MS4A14: variants seen among roughly 807,000 people sequenced by gnomAD.
MS4A14 encodes the protein membrane-spanning 4-domains subfamily A member 14.
Under a neutral mutation model 16.7 loss-of-function variants are expected in MS4A14, and 18 were observed. The observed-to-expected ratio is 1.08, with a 90% CI of 0.75 to 1.60. The LOEUF is 1.60. Ranked by LOEUF, MS4A14 falls within the 40% of genes most tolerant of loss-of-function variation. MS4A14 has a pLI of 0.00. For synonymous variants in MS4A14, 305 were observed against 289.4 expected (o/e 1.05, Z -0.55); for missense variants, 812 against 775.3 (o/e 1.05, Z -0.56).
At chr11:60,407,376 G>T (rs545650641) in intron 4 of MS4A14, among the ~76,000 whole-genome samples, 1 of 152,188 alleles carries the variant, frequency 6.6e-6, no homozygotes, top group South Asian at 2.1e-4. Context: ...ATTATCATAA[G>T]TTACTAAGAA....
In MS4A14 at chr11:60,396,560, A is replaced by G; in HGVS notation, c.-19A>G. ...ATGTTTGCTCACTCTTTCCCTTACT[A>G]GAGTTCTGCCATAGAATCATGGAGT... On this transcript the variant is annotated 5_prime_UTR_variant, in exon 1 of 5. The change abolishes the stop of an existing upstream ORF in the 5' untranslated region. Transcript: ENST00000300187. The G allele has an allele frequency of 2.5e-6, 4 of 1,611,436 alleles. No individual in the cohort carries two copies. The highest frequency in any genetic ancestry group is 3.4e-6 in the Non-Finnish European group (4 of 1,178,816).
chr11:60,415,919 T>C lies in MS4A14; in HGVS notation c.951T>C (p.Pro317=), dbSNP rs114663860. ...CACTAAAACTCGAAGATATATCACC[T>C]GAAGACTTGCCATCCCAAGCTCTAC... ...HSALKLEDIS[P]EDLPSQALPV... The change falls in exon 5 of 5, where the codon CCT becomes CCC. Residue 317 remains proline, a synonymous_variant. Transcript: ENST00000300187. 1.6e-5 allele frequency: 26 copies of C among 1,613,966 alleles called. No homozygotes were observed. In the East Asian group the frequency reaches 5.1e-4, roughly 32 times the overall value.
intron 4 of MS4A14, among the ~76,000 whole-genome samples, chr11:60,403,578 A>T (rs971221830): frequency 1.3e-5 from 2 of 152,228 alleles, no homozygotes; most frequent in African/African-American, 4.8e-5. Flanking sequence ...CTTAAGACAT[A>T]CATTATTTCA....
chr11:60,405,268 G>A (rs1026361364), intron 4 of MS4A14, among the ~76,000 whole-genome samples: 14 of 151,934 alleles, frequency 9.2e-5, no homozygotes, highest in Non-Finnish European at 1.5e-4. Context: ...TAGTAGAGAC[G>A]GGGTTTCTCC....
At chr11:60,401,891 G>A (rs1163956068) in intron 3 of MS4A14, among the ~76,000 whole-genome samples, 1 of 152,078 alleles carries the variant, frequency 6.6e-6, no homozygotes, top group African/African-American at 2.4e-5. Context: ...CTGGGATTGA[G>A]GTAAACATTA....
Position 60,402,996 on chromosome 11 carries a change from C to T in MS4A14, c.403C>T (p.Gln135Ter). The change falls in exon 4 of 5, where the codon CAA (glutamine) becomes TAA (stop). Residue 135 changes from glutamine (Q) to a stop codon, truncating the protein, a stop_gained. Coordinates refer to ENST00000300187, the MANE Select transcript of MS4A14 (RefSeq NM_032597.5). LOFTEE classifies it high-confidence loss of function. ...TTTCACCATTCTCAGCTACAGACAT[C>T]AAGACAAGTACTGCCAGATGCCATC... Reference protein sequence around the residue: ...ITFTILSYRHQDKYCQMPSFE... With the variant: ...ITFTILSYRH 1 of 1,613,852 alleles carries T rather than the reference C, an allele frequency of 6.2e-7. No individual in the cohort carries two copies. The highest frequency in any genetic ancestry group is 2.2e-5 in the East Asian group (1 of 44,872).
Position 60,403,725 on chromosome 11 carries a change from G to C in MS4A14, c.468+664G>C, listed in dbSNP as rs200087589. The stretch of plus-strand genomic sequence containing the variant: ...TTTAAGCATGTCAGTGACTCCAATA[G>C]GCCTTTCTCTCTAGTTCCCTAAGCA... On this transcript the variant is annotated intron_variant, in intron 4 of 4. Coordinates refer to ENST00000300187, the MANE Select transcript of MS4A14 (RefSeq NM_032597.5). Among the ~76,000 whole-genome samples, 14 of 152,160 alleles carry C rather than the reference G, an allele frequency of 9.2e-5. No homozygotes were observed. In the East Asian group the frequency reaches 2.5e-3, roughly 27 times the overall value.
At chr11:60,405,954 C>T (rs186474420) in intron 4 of MS4A14, 2 of 1,531,994 alleles carry the variant, frequency 1.3e-6, no homozygotes, top group Non-Finnish European at 1.7e-6. Flanking sequence ...CTATTGCATC[C>T]TTTAGAAGCA....
At position 60,415,805 on chromosome 11, in the gene MS4A14, A is replaced by G. The variant is rs1421734116; in HGVS notation, c.837A>G (p.Leu279=). ...STFKQMKDED[L]QSAIVQPSQM... Reference sequence around the variant, plus strand: ...TTAAACAAATGAAAGATGAAGATCTACAATCTGCTATTGTACAACCTTCTC... The same window carrying G: ...TTAAACAAATGAAAGATGAAGATCTGCAATCTGCTATTGTACAACCTTCTC... The change falls in exon 5 of 5, where the codon CTA becomes CTG. Residue 279 remains leucine (L), a synonymous_variant. Transcript: ENST00000300187. The G allele has an allele frequency of 6.2e-7, 1 of 1,613,864 alleles. No individual in the cohort carries two copies. Among genetic ancestry groups the G allele is most frequent in the African/African-American group, 1.3e-5 (1 of 74,902 alleles).
chr11:60,411,394 G>A (rs184765168), intron 4 of MS4A14, among the ~76,000 whole-genome samples: 1,869 of 152,140 alleles, frequency 0.012, 20 homozygotes, highest in Non-Finnish European at 0.02. Flanking sequence ...CTTCTTATAC[G>A]TGAACACAAG....
intron 4 of MS4A14, among the ~76,000 whole-genome samples, chr11:60,404,131 C>T (rs1408961162): frequency 3.3e-5 from 5 of 152,194 alleles, no homozygotes; most frequent in Non-Finnish European, 7.3e-5. Context: ...TTGTTATGTT[C>T]GTATATACGA....
intron 3 of MS4A14, among the ~76,000 whole-genome samples, chr11:60,401,386 T>C (rs2197236): frequency 0.6 from 91,190 of 152,038 alleles, 27,857 homozygotes; most frequent in Middle Eastern, 0.76. Context: ...ACAATGCAGA[T>C]GAAGCCCCAA....
At chr11:60,398,919 C>T (rs1471186797) in intron 2 of MS4A14, among the ~76,000 whole-genome samples, 1 of 152,194 alleles carries the variant, frequency 6.6e-6, no homozygotes, top group Non-Finnish European at 1.5e-5. Flanking sequence ...CTCACTTTCT[C>T]ATTTCACAAC....
chr11:60,416,611 T>C lies in MS4A14; in HGVS notation c.1643T>C (p.Val548Ala). 6.2e-7 allele frequency: 1 copy of C among 1,613,882 alleles called. No homozygotes were observed. ...KDWLSPKRHS[V>A]DKQAQLNQTK... ...TGGCTATCCCCAAAGAGGCACTCCG[T>C]AGATAAGCAAGCTCAACTTAATCAA... is the stretch of plus-strand genomic sequence containing the variant. The change falls in exon 5 of 5, where the codon GTA (valine) becomes GCA (alanine). Residue 548 changes from valine to alanine, a missense_variant. Coordinates refer to ENST00000300187, the MANE Select transcript of MS4A14 (RefSeq NM_032597.5).
rs2085695923 is a variant in MS4A14 at position 60,400,452 on chromosome 11, CT to C, written c.317del (p.Leu106ArgfsTer8). On this transcript the variant is annotated frameshift_variant and splice_region_variant, in exon 3 of 5. Coordinates refer to ENST00000300187, the MANE Select transcript of MS4A14 (RefSeq NM_032597.5). LOFTEE classifies it high-confidence loss of function. ...AGTAACCGATAAGAAATCAAAACTTCTGGTAAGCCACTTAAACTACATAAAA... is the reference window on the plus strand; with the variant it reads ...AGTAACCGATAAGAAATCAAAACTTCGGTAAGCCACTTAAACTACATAAAA... ...LTVTDKKSKLLGQGVTGMNVI... is the reference protein window; with the variant it reads ...LTVTDKKSKLXGQGVTGMNVI... 1 of 1,600,498 alleles carries C rather than the reference CT, an allele frequency of 6.2e-7. No homozygotes were observed. Among genetic ancestry groups the C allele is most frequent in the African/African-American group, 1.3e-5 (1 of 74,596 alleles).
intron 4 of MS4A14, among the ~76,000 whole-genome samples, chr11:60,414,865 G>T (rs1302680576): frequency 6.6e-6 from 1 of 152,146 alleles, no homozygotes; most frequent in South Asian, 2.1e-4. Flanking sequence ...CTACTCAGCT[G>T]TTAAGATATA....
At chr11:60,414,872 T>C (rs890244813) in intron 4 of MS4A14, among the ~76,000 whole-genome samples, 1 of 152,156 alleles carries the variant, frequency 6.6e-6, no homozygotes, top group Non-Finnish European at 1.5e-5. Context: ...GCTGTTAAGA[T>C]ATAGATTAAA....
Position 60,416,708 on chromosome 11 carries a change from A to T in MS4A14, c.1740A>T (p.Gln580His). The T allele has an allele frequency of 6.2e-7, 1 of 1,613,858 alleles. No homozygotes were observed. The highest frequency in any genetic ancestry group is 1.1e-5 in the South Asian group (1 of 91,070). The change falls in exon 5 of 5, where the codon CAA becomes CAT. Residue 580 changes from glutamine to histidine, a missense_variant. Gln to His is a conservative substitution (Grantham distance 24, BLOSUM62 0). Coordinates refer to ENST00000300187, the MANE Select transcript of MS4A14 (RefSeq NM_032597.5). Reference sequence around the variant, plus strand: ...AAGGGGAACAATACCCAGAAGGACAATCTAAAGATGGACAAGTTAAAGACC... The same window carrying T: ...AAGGGGAACAATACCCAGAAGGACATTCTAAAGATGGACAAGTTAAAGACC... ...QAKGEQYPEGQSKDGQVKDQQ... is the reference protein window; with the variant it reads ...QAKGEQYPEGHSKDGQVKDQQ...
At chr11:60,415,374 A>G (rs2085922371) in intron 4 of MS4A14, 63 bp from the exon 5 acceptor site, 3 of 1,513,808 alleles carry the variant, frequency 2.0e-6, no homozygotes, top group Admixed American at 2.3e-5. Flanking sequence ...AGTAACTTGG[A>G]AAACAAAAAA....
Sources: gnomAD v4.1 joint callset for allele counts (sites outside exome capture counted in the v4.1 genomes callset) on GRCh38, gnomAD v4.1.1 for gene constraint, MANE v1.5 for transcripts, NCBI Gene and HGNC (gene_info 2026-07-23, HGNC 2026-07-21) for gene names.